The following CNTNAP1 variants were observed in gnomAD, a reference collection of about 807,000 sequenced individuals.
The protein encoded by CNTNAP1 is contactin associated protein 1.
In CNTNAP1, 80 loss-of-function variants were observed where a neutral mutation model predicts 161.5. That is an observed-to-expected ratio of 0.50 (90% CI 0.41 to 0.60). The LOEUF (loss-of-function observed/expected upper bound fraction) is 0.60. CNTNAP1 is among the 20% of genes least tolerant of loss of function. CNTNAP1 has a pLI of 0.00. For synonymous variants in CNTNAP1, 695 were observed against 733.1 expected (o/e 0.95, Z 0.84); for missense variants, 1,464 against 1,854.8 (o/e 0.79, Z 3.87).
In CNTNAP1 at chr17:42,686,144, G is replaced by A. The variant is rs756856715; in HGVS notation, c.900+3G>A. 6.2e-6 allele frequency: 10 copies of A among 1,614,012 alleles called. No homozygotes were observed. Among genetic ancestry groups the A allele is most frequent in the Non-Finnish European group, 7.6e-6 (9 of 1,179,962 alleles). On this transcript the variant is annotated splice_donor_region_variant and intron_variant, in intron 6 of 23. Transcript: ENST00000264638. ...AGAGGCTGAACCTGGACACTGAGGT[G>A]AGAGACTAGGGAGGTGCTATTTCGT...
Position 42,695,869 on chromosome 17 carries a change from A to C in CNTNAP1, c.3341A>C (p.Asp1114Ala). The stretch of plus-strand genomic sequence containing the variant: ...GACTACATGGCTGTGCTCATCAAGG[A>C]TGATGGTAAGCTCTCCCGGGCTCTC... ...VRDYMAVLIKDDGTLQLRYQL... is the reference protein window; with the variant it reads ...VRDYMAVLIKADGTLQLRYQL... The change falls in exon 19 of 24, where the codon GAT (aspartate) becomes GCT (alanine). Residue 1114 changes from aspartate to alanine, a missense_variant. Physicochemically the swap from Asp to Ala is moderately radical, Grantham distance 126 (BLOSUM62 -2). Transcript: ENST00000264638. 1 of 1,610,964 alleles carries C rather than the reference A, an allele frequency of 6.2e-7. No individual in the cohort carries two copies. The highest frequency in any genetic ancestry group is 8.5e-7 in the Non-Finnish European group (1 of 1,177,484).
In CNTNAP1 at chr17:42,683,864, C is replaced by T; in HGVS notation, c.111C>T (p.Ser37=). 1 of 1,613,154 alleles carries T rather than the reference C, an allele frequency of 6.2e-7. No individual in the cohort carries two copies. Among genetic ancestry groups the T allele is most frequent in the Non-Finnish European group, 8.5e-7 (1 of 1,180,008 alleles). The change falls in exon 2 of 24, where the codon TCC becomes TCT. Residue 37 remains serine (S), a synonymous_variant. Coordinates refer to ENST00000264638, the MANE Select transcript of CNTNAP1 (RefSeq NM_003632.3). ...EELVGPLYAR[S]LGASSYYSLL... ...TGGTGGGTCCCCTGTATGCACGCTC[C>T]CTGGGCGCCTCCTCCTACTACAGTC...
At position 42,685,320 on chromosome 17, in the gene CNTNAP1, CGAG is replaced by C; in HGVS notation, c.619_621del (p.Glu207del). On this transcript the variant is annotated inframe_deletion, in exon 5 of 24. Coordinates refer to ENST00000264638, the MANE Select transcript of CNTNAP1 (RefSeq NM_003632.3). This position sits in a 1 kb window ranked among gnomAD's most constrained non-coding sequence, Gnocchi z 5.0. ...ACGTGTTCGCCTTCAGCTTCAAGAC[CGAG>C]GAGAAGGACGGTCTTCTGCTGCACG... 6.2e-7 allele frequency: 1 copy of C among 1,612,704 alleles called. No individual in the cohort carries two copies. The highest frequency in any genetic ancestry group is 8.5e-7 in the Non-Finnish European group (1 of 1,180,016).
At chr17:42,683,125 G>C in intron 1 of CNTNAP1, 1 of 608,538 alleles carries the variant, frequency 1.6e-6, no homozygotes, top group Non-Finnish European at 2.8e-6. Context: ...AAGTCAGCGG[G>C]CAGGGATTTG....
rs1378439079 is a variant in CNTNAP1 at position 42,682,782 on chromosome 17, A to C, written c.-48A>C. 20 of 1,541,360 alleles carry C rather than the reference A, an allele frequency of 1.3e-5. No homozygotes were observed. Among genetic ancestry groups the C allele is most frequent in the Non-Finnish European group, 1.7e-5 (20 of 1,144,426 alleles). On this transcript the variant is annotated 5_prime_UTR_variant, in exon 1 of 24. Coordinates refer to ENST00000264638, the MANE Select transcript of CNTNAP1 (RefSeq NM_003632.3). ...GAGCCCAAGCCAGAACTCGAGCCCT[A>C]GCCGGAGCCGTTCACAGGGAGGCGG...
intron 8 of CNTNAP1, 143 bp from the exon 9 acceptor site, chr17:42,688,319 C>T (rs937965655): frequency 2.7e-6 from 3 of 1,099,080 alleles, no homozygotes; most frequent in African/African-American, 3.1e-5. Flanking sequence ...TCAGAGAGGT[C>T]TCCACTGGGT....
In CNTNAP1 at chr17:42,685,857, T is replaced by A; in HGVS notation, c.716-100T>A. 7.8e-7 allele frequency: 1 copy of A among 1,276,986 alleles called. No individual in the cohort carries two copies. The allele number at this position is 1,276,986 out of a possible 1,614,324, so 79.1% of individuals were successfully genotyped here. On this transcript the variant is annotated intron_variant, in intron 5 of 23. Coordinates refer to ENST00000264638, the MANE Select transcript of CNTNAP1 (RefSeq NM_003632.3). This position sits in a 1 kb window ranked among gnomAD's most constrained non-coding sequence, Gnocchi z 5.0. ...TGATCTATTCGCCCACTCTCCCTGA[T>A]TGCCCTGGGCTTTGTTACACGCTGC...
Position 42,691,398 on chromosome 17 carries a change from G to A in CNTNAP1, c.2231G>A (p.Gly744Glu). ...TGCCCCCACAGGAGAACTGACAAGGGACTGCTGACCTTTGTGGACCATCTG... is the reference window on the plus strand; with the variant it reads ...TGCCCCCACAGGAGAACTGACAAGGAACTGCTGACCTTTGTGGACCATCTG... Reference protein sequence around the residue: ...ADQPQWRTDKGLLTFVDHLPV... With the variant: ...ADQPQWRTDKELLTFVDHLPV... The change falls in exon 15 of 24, where the codon GGA becomes GAA. Residue 744 changes from glycine (G) to glutamate (E), a missense_variant. Transcript: ENST00000264638. The surrounding 1 kb of genome is among the most constrained non-coding windows in gnomAD (Gnocchi z 4.3). 6.2e-7 allele frequency: 1 copy of A among 1,614,056 alleles called. No homozygotes were observed. Among genetic ancestry groups the A allele is most frequent in the Non-Finnish European group, 8.5e-7 (1 of 1,179,972 alleles).
At position 42,682,788 on chromosome 17, in the gene CNTNAP1, A is replaced by C. The variant is rs1303547439; in HGVS notation, c.-42A>C. ...AAGCCAGAACTCGAGCCCTAGCCGG[A>C]GCCGTTCACAGGGAGGCGGCTGCCG... is the stretch of plus-strand genomic sequence containing the variant. On this transcript the variant is annotated 5_prime_UTR_variant, in exon 1 of 24. Transcript: ENST00000264638. 1.9e-6 allele frequency: 3 copies of C among 1,545,208 alleles called. No individual in the cohort carries two copies. The highest frequency in any genetic ancestry group is 2.6e-6 in the Non-Finnish European group (3 of 1,146,674).
At chr17:42,693,869 CT>C (rs986925084) in intron 18 of CNTNAP1, among the ~76,000 whole-genome samples, 27 of 146,164 alleles carry the variant, frequency 1.8e-4, no homozygotes, top group African/African-American at 2.2e-4. Flanking sequence ...AAAAAAAATT[CT>C]TTTTTTTTTT....
chr17:42,696,791 A>T (rs961116333), intron 20 of CNTNAP1, among the ~76,000 whole-genome samples: 6 of 152,076 alleles, frequency 3.9e-5, no homozygotes, highest in African/African-American at 1.4e-4. Context: ...TAGGCGACAG[A>T]GTGAGACTCC....
At chr17:42,694,663 T>A (rs770221384) in intron 18 of CNTNAP1, among the ~76,000 whole-genome samples, 1 of 151,792 alleles carries the variant, frequency 6.6e-6, no homozygotes, top group South Asian at 2.1e-4. Flanking sequence ...CTTCTCCATC[T>A]TCCCACCATC....
At position 42,692,503 on chromosome 17, in the gene CNTNAP1, C is replaced by A. The variant is rs1423027074; in HGVS notation, c.2535C>A (p.Ser845=). Residue 845 remains serine, a synonymous_variant, in exon 17 of 24, where the codon TCC becomes TCA. Coordinates refer to ENST00000264638, the MANE Select transcript of CNTNAP1 (RefSeq NM_003632.3). Reference sequence around the variant, plus strand: ...ACCCTGCATCACACTGTCCAGCATCCCGGGATGTGGTCTTCGCCTTTGATG... The same window carrying A: ...ACCCTGCATCACACTGTCCAGCATCACGGGATGTGGTCTTCGCCTTTGATG... ...RPYVRVELNT[S]RDVVFAFDVG... The A allele has an allele frequency of 6.2e-7, 1 of 1,613,760 alleles. No homozygotes were observed. Among genetic ancestry groups the A allele is most frequent in the Admixed American group, 1.7e-5 (1 of 60,010 alleles).
At chr17:42,692,102 T>C (rs1358852547) in intron 16 of CNTNAP1, 111 bp downstream of exon 16, 1 of 1,156,252 alleles carries the variant, frequency 8.6e-7, no homozygotes, top group Non-Finnish European at 1.3e-6. Flanking sequence ...ACAGGCAGCA[T>C]GGGAAGGGTT....
intron 23 of CNTNAP1, 137 bp downstream of exon 23, chr17:42,698,087 G>A (rs2053174217): frequency 2.0e-6 from 2 of 991,678 alleles, no homozygotes; most frequent in East Asian, 4.8e-5. Flanking sequence ...TGATGAGACA[G>A]GCTATGCTGA....
rs1433318265 is a variant in CNTNAP1, at chr17:42,691,167, G to A, written c.2090G>A (p.Arg697Gln). 8 of 1,614,194 alleles carry A rather than the reference G, an allele frequency of 5.0e-6. No homozygotes were observed. Among genetic ancestry groups the A allele is most frequent in the South Asian group, 1.1e-5 (1 of 91,078 alleles). The stretch of plus-strand genomic sequence containing the variant: ...TACCCCTACAGCTTTTGGATTGGCC[G>A]AAATGAGGAGCAGCACTTCTACTGG... Reference protein sequence around the residue: ...GGYPYSFWIGRNEEQHFYWGG... With the variant: ...GGYPYSFWIGQNEEQHFYWGG... The change falls in exon 14 of 24, where the codon CGA (arginine) becomes CAA (glutamine). Residue 697 changes from arginine to glutamine, a missense_variant. This residue lies in a region of CNTNAP1 where 1,383 missense variants were observed against 1,765.0 expected (regional missense o/e 0.78). Coordinates refer to ENST00000264638, the MANE Select transcript of CNTNAP1 (RefSeq NM_003632.3). This position sits in a 1 kb window ranked among gnomAD's most constrained non-coding sequence, Gnocchi z 4.3.
chr17:42,697,918 A>G lies in CNTNAP1; in HGVS notation c.3830A>G (p.His1277Arg). Residue 1277 changes from histidine (H) to arginine (R), a missense_variant, in exon 23 of 24, where the codon CAT becomes CGT. Physicochemically the swap from His to Arg is conservative, Grantham distance 29. Around this residue, in one of 3 missense-constraint regions of CNTNAP1, gnomAD observed 1,383 missense variants for 1,765.0 expected, o/e 0.78. Coordinates refer to ENST00000264638, the MANE Select transcript of CNTNAP1 (RefSeq NM_003632.3). Reference sequence around the variant, plus strand: ...TCCTCTCCAGACTTCCCCTACTACCATGATGAAGGATGGGTTGCCATACTT... The same window carrying G: ...TCCTCTCCAGACTTCCCCTACTACCGTGATGAAGGATGGGTTGCCATACTT... The part of the protein sequence containing the change: ...WYLPPDFPYY[H>R]DEGWVAILLG... The G allele has an allele frequency of 6.2e-7, 1 of 1,614,160 alleles. No individual in the cohort carries two copies. The highest frequency in any genetic ancestry group is 8.5e-7 in the Non-Finnish European group (1 of 1,180,012).
chr17:42,698,544 T>C, intron 23 of CNTNAP1, 74 bp from the exon 24 acceptor site: 2 of 1,200,898 alleles, frequency 1.7e-6, no homozygotes, highest in Non-Finnish European at 2.4e-6. Context: ...CGTGTGTGTG[T>C]GTGTGTGTGT....
chr17:42,698,567 G>A (rs1190062620), intron 23 of CNTNAP1, 51 bp from the exon 24 acceptor site: 15 of 1,265,076 alleles, frequency 1.2e-5, no homozygotes, highest in East Asian at 2.4e-5. Flanking sequence ...GTGTGTGTGT[G>A]TATACAGGTG....
Sources: allele counts gnomAD v4.1 joint callset (sites outside exome capture counted in the v4.1 genomes callset), GRCh38; gene constraint gnomAD v4.1.1; regional missense constraint gnomAD v4.1.1; non-coding constraint Gnocchi (gnomAD v3.1); transcripts MANE v1.5; gene names NCBI Gene and HGNC (gene_info 2026-07-23, HGNC 2026-07-21).